TTC28: variants seen among roughly 807,000 people sequenced by gnomAD.
TTC28 encodes the protein tetratricopeptide repeat domain 28, also known as tetratricopeptide repeat protein 28.
Under a neutral mutation model 198.0 loss-of-function variants are expected in TTC28, and 61 were observed. The observed-to-expected ratio is 0.31, with a 90% CI of 0.25 to 0.38. The LOEUF (loss-of-function observed/expected upper bound fraction) is 0.38, where lower values mean the gene tolerates loss of function less well. Among genes scored for constraint, TTC28 ranks in the 10% least tolerant of loss-of-function variants. The pLI is 1.00. For synonymous variants in TTC28, 1,171 were observed against 1,297.8 expected (o/e 0.90, Z 2.10); for missense variants, 2,678 against 3,164.0 (o/e 0.85, Z 3.69).
intron 2 of TTC28, among the ~76,000 whole-genome samples, chr22:28,507,723 T>C (rs1404369924): frequency 6.6e-6 from 1 of 152,204 alleles, no homozygotes; most frequent in Non-Finnish European, 1.5e-5. Context: ...GTGTAAACCC[T>C]ATAAGCCAGA....
intron 2 of TTC28, among the ~76,000 whole-genome samples, chr22:28,363,642 A>G (rs1345835865): frequency 6.6e-6 from 1 of 152,226 alleles, no homozygotes; most frequent in Non-Finnish European, 1.5e-5. Flanking sequence ...ATGCCAGCCC[A>G]TGAAAGCAGC....
At chr22:28,123,242 T>G (rs1047508054) in intron 6 of TTC28, among the ~76,000 whole-genome samples, 11 of 149,988 alleles carry the variant, frequency 7.3e-5, no homozygotes, top group Non-Finnish European at 5.9e-5. Flanking sequence ...TGTTTCAGGT[T>G]TTTTTTTTTG....
In TTC28 at chr22:27,993,426, A is replaced by G; in HGVS notation, c.5337T>C (p.Pro1779=). The change falls in exon 18 of 23, where the codon CCT becomes CCC. Residue 1779 remains proline, a synonymous_variant. Coordinates refer to ENST00000397906, the MANE Select transcript of TTC28 (RefSeq NM_001145418.2). The stretch of plus-strand genomic sequence containing the variant: ...CAGCGGTGAGGAGGGCCTGCCAGCC[A>G]GGGATGCCGCCCACTTTGTTCTCCA... ...QSVENKVGGI[P]GWQALLTAVG... is the part of the protein sequence containing the mutation. The G allele has an allele frequency of 3.9e-6, 6 of 1,551,558 alleles. No homozygotes were observed. The highest frequency in any genetic ancestry group is 5.2e-6 in the Non-Finnish European group (6 of 1,147,000).
At chr22:28,398,084 T>C (rs543279695) in intron 2 of TTC28, among the ~76,000 whole-genome samples, 20 of 152,208 alleles carry the variant, frequency 1.3e-4, no homozygotes, top group Non-Finnish European at 1.8e-4. Context: ...TCCTGAAACA[T>C]AGGTACTGTA....
At chr22:28,146,322 G>A (rs1317763963) in intron 6 of TTC28, among the ~76,000 whole-genome samples, 1 of 152,166 alleles carries the variant, frequency 6.6e-6, no homozygotes, top group Non-Finnish European at 1.5e-5. Context: ...TCATGAAAAC[G>A]CTTAGTAAAG....
chr22:27,994,462 T>TC (rs1937514984), intron 17 of TTC28: 1 of 151,842 alleles, frequency 6.6e-6, no homozygotes, highest in Admixed American at 6.6e-5. Flanking sequence ...TTTTTTTTTT[T>TC]TTTTTTACAG....
At chr22:28,145,391 C>G (rs914431913) in intron 6 of TTC28, among the ~76,000 whole-genome samples, 1 of 152,132 alleles carries the variant, frequency 6.6e-6, no homozygotes, top group African/African-American at 2.4e-5. Flanking sequence ...CGTCTTGGCA[C>G]CACAAAACAT....
chr22:28,315,599 GA>G (rs1174311288), intron 2 of TTC28, among the ~76,000 whole-genome samples: 1 of 152,108 alleles, frequency 6.6e-6, no homozygotes, highest in African/African-American at 2.4e-5. Context: ...TTATTTATAT[GA>G]ATGTCCAATT....
At chr22:28,303,709 G>A (rs558305748) in intron 3 of TTC28, 1 of 152,510 alleles carries the variant, frequency 6.6e-6, no homozygotes, top group African/African-American at 2.4e-5. Flanking sequence ...GCTTATACAA[G>A]CACCAGGACC....
intron 5 of TTC28, among the ~76,000 whole-genome samples, chr22:28,252,346 T>C (rs1265973139): frequency 1.3e-5 from 2 of 152,188 alleles, no homozygotes; most frequent in African/African-American, 4.8e-5. Context: ...ACTACTGAAA[T>C]GTGCTCAGCA....
intron 2 of TTC28, among the ~76,000 whole-genome samples, chr22:28,472,197 A>C (rs1276522441): frequency 6.6e-6 from 1 of 152,102 alleles, no homozygotes; most frequent in Non-Finnish European, 1.5e-5. Context: ...TCACGTTTCA[A>C]TTCTCCGCCT....
intron 5 of TTC28, among the ~76,000 whole-genome samples, chr22:28,273,008 A>G (rs990071741): frequency 6.6e-6 from 1 of 152,218 alleles, no homozygotes; most frequent in Non-Finnish European, 1.5e-5. Context: ...CAGTCCATCA[A>G]GGTGGTGGGA....
At chr22:28,656,796 G>A (rs2051664071) in intron 1 of TTC28, among the ~76,000 whole-genome samples, 1 of 151,984 alleles carries the variant, frequency 6.6e-6, no homozygotes, top group South Asian at 2.1e-4. Context: ...ATAGCATTAG[G>A]AGATATACCT....
intron 2 of TTC28, among the ~76,000 whole-genome samples, chr22:28,314,695 C>T (rs1163868144): frequency 6.6e-6 from 1 of 152,086 alleles, no homozygotes; most frequent in Non-Finnish European, 1.5e-5. Flanking sequence ...AGCCACCCTC[C>T]CTATTTCTTT....
intron 12 of TTC28, among the ~76,000 whole-genome samples, chr22:28,056,825 G>A (rs937510472): frequency 2.0e-5 from 3 of 152,144 alleles, no homozygotes; most frequent in South Asian, 2.1e-4. Flanking sequence ...GAGGCAAATC[G>A]TCTGATTCTC....
chr22:28,381,861 T>A (rs1465789202), intron 2 of TTC28, among the ~76,000 whole-genome samples: 1 of 152,186 alleles, frequency 6.6e-6, no homozygotes, highest in Non-Finnish European at 1.5e-5. Flanking sequence ...ATTTCTCTGA[T>A]AATGCAATAG....
chr22:28,500,540 A>G (rs1372086102), intron 2 of TTC28, among the ~76,000 whole-genome samples: 2 of 152,194 alleles, frequency 1.3e-5, no homozygotes, highest in African/African-American at 4.8e-5. Context: ...TTATTACAAA[A>G]TAGTAACAGT....
intron 2 of TTC28, among the ~76,000 whole-genome samples, chr22:28,612,164 A>G (rs1040922183): frequency 3.9e-5 from 6 of 152,182 alleles, no homozygotes; most frequent in Non-Finnish European, 5.9e-5. Flanking sequence ...AAAAAAAAGC[A>G]GGGGTTGCAA....
At chr22:28,416,980 G>A (rs370356078) in intron 2 of TTC28, among the ~76,000 whole-genome samples, 2 of 152,078 alleles carry the variant, frequency 1.3e-5, no homozygotes. Context: ...TTTTGCAAGC[G>A]AGTTTCTTTT....
Sources: allele counts gnomAD v4.1 joint callset (sites outside exome capture counted in the v4.1 genomes callset), GRCh38; gene constraint gnomAD v4.1.1; transcripts MANE v1.5; gene names NCBI Gene and HGNC (gene_info 2026-07-23, HGNC 2026-07-21).